Variants in UBE2E1 observed in about 807,000 individuals in gnomAD.
UBE2E1 encodes the protein ubiquitin conjugating enzyme E2 E1.
A neutral mutation model predicts 21.4 loss-of-function variants in UBE2E1; 6 were observed. The ratio of observed to expected loss-of-function variants is 0.28; its 90% CI spans 0.15 to 0.55. The LOEUF (loss-of-function observed/expected upper bound fraction) is 0.55. UBE2E1 is among the 20% of genes least tolerant of loss of function. UBE2E1 has a pLI of 0.93. For synonymous variants in UBE2E1, 87 were observed against 82.7 expected (o/e 1.05, Z -0.28); for missense variants, 142 against 236.5 (o/e 0.60, Z 2.62).
chr3:23,819,840 A>G (rs565944408), intron 3 of UBE2E1, among the ~76,000 whole-genome samples: 3 of 152,332 alleles, frequency 2.0e-5, no homozygotes, highest in South Asian at 4.1e-4. Flanking sequence ...GGCAAAAAAG[A>G]TGTGATCTCT....
At chr3:23,845,901 A>G (rs1381366504) in intron 3 of UBE2E1, among the ~76,000 whole-genome samples, 1 of 152,192 alleles carries the variant, frequency 6.6e-6, no homozygotes, top group Admixed American at 6.5e-5. Flanking sequence ...GTGTCATAAA[A>G]TACTAGTTTT....
At chr3:23,883,688 C>A (rs185663954) in intron 3 of UBE2E1, among the ~76,000 whole-genome samples, 1 of 152,022 alleles carries the variant, frequency 6.6e-6, no homozygotes, top group Non-Finnish European at 1.5e-5. Flanking sequence ...CAGGCTGAGG[C>A]AGTCGGATCA....
chr3:23,827,084 A>G (rs1442137573), intron 3 of UBE2E1, among the ~76,000 whole-genome samples: 2 of 152,138 alleles, frequency 1.3e-5, no homozygotes, highest in Non-Finnish European at 2.9e-5. Context: ...TCACTTATCC[A>G]TTATAAAAAG....
chr3:23,886,980 A>G (rs1031498640), intron 3 of UBE2E1, among the ~76,000 whole-genome samples: 16 of 152,246 alleles, frequency 1.1e-4, no homozygotes, highest in Non-Finnish European at 1.6e-4. Flanking sequence ...TAGTATTTAG[A>G]GAACCCAATT....
intron 3 of UBE2E1, among the ~76,000 whole-genome samples, chr3:23,839,928 A>G (rs1240485952): frequency 1.3e-5 from 2 of 151,304 alleles, no homozygotes; most frequent in South Asian, 2.1e-4. Context: ...TATTTTTTGT[A>G]TTTCTTGTGC....
At chr3:23,819,010 C>T (rs1699587446) in intron 3 of UBE2E1, among the ~76,000 whole-genome samples, 1 of 152,176 alleles carries the variant, frequency 6.6e-6, no homozygotes, top group South Asian at 2.1e-4. Flanking sequence ...AGAGTCCGGG[C>T]ACGGTGGCTT....
intron 3 of UBE2E1, among the ~76,000 whole-genome samples, chr3:23,813,426 A>G (rs577077440): frequency 6.6e-6 from 1 of 152,328 alleles, no homozygotes; most frequent in South Asian, 2.1e-4. Context: ...TAGTCCCAAT[A>G]TTCAGCTCTC....
Position 23,807,295 on chromosome 3 carries a change from G to A in UBE2E1, c.26G>A (p.Ser9Asn). MSDDDSRA[S>N]TSSSSSSSSN... ...ATGTCGGATGACGATTCGAGGGCCA[G>A]CACCAGCTCCTCCTCATCTTCGTCT... The change falls in exon 2 of 6, where the codon AGC becomes AAC. Residue 9 changes from serine (S) to asparagine (N), a missense_variant. By Grantham distance (46) the Ser-to-Asn change is conservative. This residue lies in a region of UBE2E1 where 55 missense variants were observed against 51.5 expected (regional missense o/e 1.07). Coordinates refer to ENST00000306627, the MANE Select transcript of UBE2E1 (RefSeq NM_003341.5). 6.2e-7 allele frequency: 1 copy of A among 1,613,734 alleles called. No individual in the cohort carries two copies. The highest frequency in any genetic ancestry group is 8.5e-7 in the Non-Finnish European group (1 of 1,179,856).
In UBE2E1 at chr3:23,842,250, G is replaced by GTGTGTGGTGT. The variant is rs1553637746; in HGVS notation, c.203+30743_203+30744insGTGGTGTTGT. Among the ~76,000 whole-genome samples the GTGTGTGGTGT allele has an allele frequency of 0.034, 2,949 of 85,822 alleles. 74 individuals are homozygous for GTGTGTGGTGT. The highest frequency in any genetic ancestry group is 0.038 in the Admixed American group (290 of 7,654). 56.3% of individuals were successfully genotyped at this position (85,822 alleles called of 152,430 possible). A position where few individuals can be genotyped will look rare whatever the true frequency, so the allele number is the denominator to read the frequency against. Reference sequence around the variant, plus strand: ...GTGTGTGTGTGTGTGTGTGTGTGTGGTGTTGTTGTTGTTGGCGACAGGGTC... The same window carrying GTGTGTGGTGT: ...GTGTGTGTGTGTGTGTGTGTGTGTGGTGTGTGGTGTTGTTGTTGTTGTTGGCGACAGGGTC... On this transcript the variant is annotated intron_variant, in intron 3 of 5. Transcript: ENST00000306627. The surrounding 1 kb of genome is among the most constrained non-coding windows in gnomAD (Gnocchi z 4.6).
intron 3 of UBE2E1, among the ~76,000 whole-genome samples, chr3:23,872,620 A>G (rs532404672): frequency 1.3e-5 from 2 of 152,372 alleles, no homozygotes; most frequent in African/African-American, 4.8e-5. Flanking sequence ...GATTTTTACC[A>G]TATTCACAAT....
intron 3 of UBE2E1, among the ~76,000 whole-genome samples, chr3:23,882,888 C>T (rs1488001569): frequency 6.6e-6 from 1 of 152,206 alleles, no homozygotes; most frequent in Non-Finnish European, 1.5e-5. Context: ...GAGCACTGCG[C>T]GCAGCCCCAG....
intron 3 of UBE2E1, among the ~76,000 whole-genome samples, chr3:23,867,229 G>A (rs1700676539): frequency 6.6e-6 from 1 of 152,144 alleles, no homozygotes; most frequent in African/African-American, 2.4e-5. Context: ...ATCAAAAGAA[G>A]TCAAAGTTTG....
chr3:23,812,759 A>G (rs777960324), intron 3 of UBE2E1, among the ~76,000 whole-genome samples: 13 of 152,188 alleles, frequency 8.5e-5, no homozygotes, highest in Middle Eastern at 3.4e-3. Context: ...CATTATTTTG[A>G]TGGTGGTGGT....
intron 3 of UBE2E1, among the ~76,000 whole-genome samples, chr3:23,819,125 A>G (rs1699590990): frequency 6.6e-6 from 1 of 152,062 alleles, no homozygotes; most frequent in African/African-American, 2.4e-5. Context: ...TCTATTAAAA[A>G]TCCAAAAAAT....
At chr3:23,846,441 A>G (rs890689735) in intron 3 of UBE2E1, among the ~76,000 whole-genome samples, 1 of 152,106 alleles carries the variant, frequency 6.6e-6, no homozygotes, top group Admixed American at 6.5e-5. Context: ...TTGCACCTGT[A>G]ATCCCAGCAC....
At chr3:23,826,261 G>A (rs1699757811) in intron 3 of UBE2E1, among the ~76,000 whole-genome samples, 1 of 152,208 alleles carries the variant, frequency 6.6e-6, no homozygotes, top group South Asian at 2.1e-4. Flanking sequence ...GCCTCAACCA[G>A]TGAAAGGAAG....
chr3:23,845,817 G>A (rs562093708), intron 3 of UBE2E1, among the ~76,000 whole-genome samples: 2 of 152,148 alleles, frequency 1.3e-5, no homozygotes, highest in South Asian at 4.2e-4. Context: ...ATGTGGTTGT[G>A]TTCCAATACA....
At chr3:23,827,991 C>T (rs1187697040) in intron 3 of UBE2E1, among the ~76,000 whole-genome samples, 1 of 152,046 alleles carries the variant, frequency 6.6e-6, no homozygotes, top group East Asian at 1.9e-4. Context: ...TTTTATTTTT[C>T]AAAGCTCTGA....
intron 3 of UBE2E1, among the ~76,000 whole-genome samples, chr3:23,843,564 A>T (rs1700137028): frequency 6.6e-6 from 1 of 152,218 alleles, no homozygotes; most frequent in Admixed American, 6.5e-5. Context: ...GATCTATAAT[A>T]ATTTGCCTAC....
Sources: gnomAD v4.1 joint callset for allele counts (sites outside exome capture counted in the v4.1 genomes callset) on GRCh38, gnomAD v4.1.1 for gene constraint, gnomAD v4.1.1 regional missense constraint, Gnocchi (gnomAD v3.1) non-coding constraint, MANE v1.5 for transcripts, NCBI Gene and HGNC (gene_info 2026-07-23, HGNC 2026-07-21) for gene names.